GLIS3: variants seen among roughly 807,000 people sequenced by gnomAD.
GLIS3 encodes GLIS family zinc finger 3.
Under a neutral mutation model 78.6 loss-of-function variants are expected in GLIS3, and 53 were observed. That is an observed-to-expected ratio of 0.67 (90% CI 0.54 to 0.85). GLIS3 has a LOEUF of 0.85. Among genes scored for constraint, GLIS3 ranks in the 40% least tolerant of loss-of-function variants. The pLI is 0.00. For missense variants in GLIS3, 1,703 were observed against 1,231.1 expected, an observed-to-expected ratio of 1.38 and a Z score of -5.74; for synonymous variants, 684 against 509.9, an observed-to-expected ratio of 1.34 and a Z score of -4.60.
chr9:4,131,481 T>C (rs1832968446), intron 2 of GLIS3, among the ~76,000 whole-genome samples: 1 of 152,122 alleles, frequency 6.6e-6, no homozygotes, highest in South Asian at 2.1e-4. Context: ...TCATGAATGG[T>C]TTGGCACTGT....
intron 2 of GLIS3, among the ~76,000 whole-genome samples, chr9:4,137,128 T>A (rs528440832): frequency 1.3e-4 from 20 of 152,284 alleles, no homozygotes; most frequent in Non-Finnish European, 2.4e-4. Flanking sequence ...AAGCAATGGT[T>A]ATGAAGCAAG....
the GLIS3 span, among the ~76,000 whole-genome samples, chr9:4,463,846 T>A: frequency 6.6e-6 from 1 of 152,140 alleles, no homozygotes; most frequent in Non-Finnish European, 1.5e-5. Flanking sequence ...AGTGCAGGAG[T>A]GCAGGCAGTC....
At chr9:4,272,041 TG>T (rs903401188) in intron 2 of GLIS3, among the ~76,000 whole-genome samples, 12 of 151,988 alleles carry the variant, frequency 7.9e-5, no homozygotes, top group Non-Finnish European at 1.5e-4. Context: ...CCTTGCAGAT[TG>T]TGCCCTCGTC....
intron 9 of GLIS3, among the ~76,000 whole-genome samples, chr9:3,853,864 T>A (rs1229776024): frequency 6.6e-6 from 1 of 152,242 alleles, no homozygotes; most frequent in Non-Finnish European, 1.5e-5. Flanking sequence ...AAAATGTGTT[T>A]CACAGTTGTA....
At chr9:4,267,584 C>T (rs117450187) in intron 2 of GLIS3, among the ~76,000 whole-genome samples, 2 of 152,344 alleles carry the variant, frequency 1.3e-5, no homozygotes, top group East Asian at 3.9e-4. Context: ...AGCACCACCA[C>T]TACCAAGTCT....
the GLIS3 span, among the ~76,000 whole-genome samples, chr9:4,386,957 A>T: frequency 6.6e-6 from 1 of 151,952 alleles, no homozygotes; most frequent in Non-Finnish European, 1.5e-5. Context: ...GGATCACAGA[A>T]CTCTCACCCT....
At chr9:4,065,387 A>G (rs549457678) in intron 4 of GLIS3, among the ~76,000 whole-genome samples, 4 of 152,350 alleles carry the variant, frequency 2.6e-5, no homozygotes, top group Admixed American at 6.5e-5. Context: ...CACACTGTAT[A>G]AAGACCTTCA....
At chr9:4,350,736 C>A (rs760015303), upstream of GLIS3, among the ~76,000 whole-genome samples, 23 of 152,312 alleles carry the variant, frequency 1.5e-4, no homozygotes, top group Non-Finnish European at 1.8e-4. Flanking sequence ...TGATGTGTCT[C>A]TGCTGCCTCT....
chr9:4,020,851 A>C (rs563975221), intron 4 of GLIS3, among the ~76,000 whole-genome samples: 1 of 152,332 alleles, frequency 6.6e-6, no homozygotes, highest in East Asian at 1.9e-4. Flanking sequence ...GACGTAAGCA[A>C]ATGATACTGG....
intron 9 of GLIS3, among the ~76,000 whole-genome samples, chr9:3,832,055 C>T (rs1011969118): frequency 7.9e-5 from 12 of 151,792 alleles, no homozygotes; most frequent in African/African-American, 2.9e-4. Flanking sequence ...TACTTACCAA[C>T]TGTGTAGTCT....
intron 4 of GLIS3, among the ~76,000 whole-genome samples, chr9:4,000,306 G>A (rs1821043299): frequency 6.6e-6 from 1 of 152,102 alleles, no homozygotes; most frequent in African/African-American, 2.4e-5. Flanking sequence ...TTTTAAGGAT[G>A]CCTATATGTG....
chr9:4,314,283 A>G (rs1487704287), intron 2 of GLIS3, among the ~76,000 whole-genome samples: 1 of 152,056 alleles, frequency 6.6e-6, no homozygotes, highest in African/African-American at 2.4e-5. Context: ...AGAATCAAGA[A>G]CCCTTGACTT....
chr9:4,096,862 A>G (rs2130782098), intron 4 of GLIS3, among the ~76,000 whole-genome samples: 1 of 152,196 alleles, frequency 6.6e-6, no homozygotes, highest in East Asian at 1.9e-4. Flanking sequence ...AAATACAGAA[A>G]TTAACCAGGC....
intron 9 of GLIS3, among the ~76,000 whole-genome samples, chr9:3,843,958 G>C (rs1299649949): frequency 2.0e-5 from 3 of 152,198 alleles, no homozygotes; most frequent in South Asian, 4.1e-4. Flanking sequence ...GTAAGGCCTA[G>C]TTCTCAAAGA....
intron 4 of GLIS3, among the ~76,000 whole-genome samples, chr9:4,114,620 T>C (rs943683686): frequency 2.0e-5 from 3 of 152,320 alleles, no homozygotes; most frequent in African/African-American, 7.2e-5. Context: ...AGTTAATAGA[T>C]AGCAGTGAAT....
intron 7 of GLIS3, among the ~76,000 whole-genome samples, chr9:3,883,567 A>G (rs1341541181): frequency 1.3e-5 from 2 of 152,210 alleles, no homozygotes; most frequent in African/African-American, 4.8e-5. Flanking sequence ...AGGGCACACA[A>G]TTGTGGCCTA....
chr9:3,977,184 G>A lies in GLIS3; in HGVS notation c.1711-39995C>T, dbSNP rs34632222. On this transcript the variant is annotated intron_variant, in intron 4 of 10. Transcript: ENST00000381971. The surrounding 1 kb of genome is among the most constrained non-coding windows in gnomAD (Gnocchi z 4.1). ...ACCGAATGCTTACAACTCCCAAGCCGGGAGAAATATTGTCAGTTCAGATGA... is the reference window on the plus strand; with the variant it reads ...ACCGAATGCTTACAACTCCCAAGCCAGGAGAAATATTGTCAGTTCAGATGA... Among the ~76,000 whole-genome samples, 7,065 of 152,182 alleles carry A rather than the reference G, an allele frequency of 0.046. 231 individuals carry two copies. The highest frequency in any genetic ancestry group is 0.075 in the Middle Eastern group (22 of 294).
chr9:4,203,768 A>G (rs1483457884), intron 2 of GLIS3, among the ~76,000 whole-genome samples: 4 of 152,246 alleles, frequency 2.6e-5, no homozygotes, highest in East Asian at 3.8e-4. Context: ...ATGGAATAGT[A>G]CACAGCCATA....
intron 4 of GLIS3, among the ~76,000 whole-genome samples, chr9:3,983,963 A>T (rs1368260931): frequency 6.6e-6 from 1 of 152,266 alleles, no homozygotes; most frequent in Admixed American, 6.5e-5. Flanking sequence ...TCCCAAAGAC[A>T]ATGGGGAAAA....
Sources: gnomAD v4.1 joint callset for allele counts (sites outside exome capture counted in the v4.1 genomes callset) on GRCh38, gnomAD v4.1.1 for gene constraint, Gnocchi (gnomAD v3.1) non-coding constraint, MANE v1.5 for transcripts, NCBI Gene and HGNC (gene_info 2026-07-23, HGNC 2026-07-21) for gene names.